ZNF827: variants seen among roughly 807,000 people sequenced by gnomAD.
ZNF827 encodes the protein zinc finger protein 827.
A neutral mutation model predicts 102.4 loss-of-function variants in ZNF827; 13 were observed. That is an observed-to-expected ratio of 0.13 (90% CI 0.08 to 0.20). The LOEUF (loss-of-function observed/expected upper bound fraction) is 0.20, where lower values mean the gene tolerates loss of function less well. Among genes scored for constraint, ZNF827 ranks in the 10% least tolerant of loss-of-function variants. The pLI is 1.00. For missense variants in ZNF827, 1,103 were observed against 1,344.4 expected, an observed-to-expected ratio of 0.82 and a Z score of 2.81; for synonymous variants, 523 against 536.2, an observed-to-expected ratio of 0.98 and a Z score of 0.34.
chr4:145,768,317 A>G (rs909169771), intron 11 of ZNF827, among the ~76,000 whole-genome samples: 3 of 152,106 alleles, frequency 2.0e-5, no homozygotes, highest in Non-Finnish European at 2.9e-5. Flanking sequence ...GGTGTGTGCC[A>G]TCATGCCTGG....
chr4:145,779,434 C>A lies in ZNF827; in HGVS notation c.2461G>T (p.Val821Leu). 1.2e-6 allele frequency: 2 copies of A among 1,614,162 alleles called. No homozygotes were observed. The highest frequency in any genetic ancestry group is 1.3e-5 in the African/African-American group (1 of 75,054). ...KFNDQLFPCD[V>L]CGKVFGRQQT... Reference sequence around the variant, plus strand: ...TGTCGGCCAAACACTTTCCCACACACGTCACAGGGAAAAAGCTGGTCATTG... The same window carrying A: ...TGTCGGCCAAACACTTTCCCACACAAGTCACAGGGAAAAAGCTGGTCATTG... Residue 821 changes from valine (V) to leucine (L), a missense_variant, in exon 9 of 15, where the codon GTG (valine) becomes TTG (leucine). This residue lies in a region of ZNF827 where 242 missense variants were observed against 361.9 expected (regional missense o/e 0.67). Transcript: ENST00000508784.
At chr4:145,896,576 A>G (rs1427820608) in intron 2 of ZNF827, among the ~76,000 whole-genome samples, 1 of 152,190 alleles carries the variant, frequency 6.6e-6, no homozygotes, top group Non-Finnish European at 1.5e-5. Flanking sequence ...GGTTGGGTTA[A>G]GGGAATAGAG....
chr4:145,813,074 A>G (rs1224194458), intron 8 of ZNF827, among the ~76,000 whole-genome samples: 1 of 152,172 alleles, frequency 6.6e-6, no homozygotes, highest in Admixed American at 6.5e-5. Flanking sequence ...GCATTCCATT[A>G]AACGCCCATT....
At chr4:145,812,477 C>T (rs1298769801) in intron 8 of ZNF827, among the ~76,000 whole-genome samples, 1 of 151,598 alleles carries the variant, frequency 6.6e-6, no homozygotes, top group Non-Finnish European at 1.5e-5. Context: ...AGTCTTTCTA[C>T]TGTCAAGGTA....
In ZNF827 at chr4:145,902,845, G is replaced by T; in HGVS notation, c.414C>A (p.Ala138=). 1 of 1,614,100 alleles carries T rather than the reference G, an allele frequency of 6.2e-7. No individual in the cohort carries two copies. Among genetic ancestry groups the T allele is most frequent in the African/African-American group, 1.3e-5 (1 of 75,012 alleles). ...EAGSLKLDAA[A]TANGRVESPV... ...GGGACTCCACTCTGCCATTAGCCGT[G>T]GCTGCAGCATCGAGTTTGAGGGAAC... Residue 138 remains alanine, a synonymous_variant, in exon 2 of 15, where the codon GCC becomes GCA. Transcript: ENST00000508784. The surrounding 1 kb of genome is among the most constrained non-coding windows in gnomAD (Gnocchi z 4.3).
intron 7 of ZNF827, among the ~76,000 whole-genome samples, chr4:145,835,562 A>T (rs576255368): frequency 1.6e-4 from 22 of 139,354 alleles, no homozygotes; most frequent in Admixed American, 3.4e-4. Context: ...GGACTACAGC[A>T]ATATCTCATT....
chr4:145,760,607 G>A lies in ZNF827; in HGVS notation c.*1009C>T. 1.1e-5 allele frequency: 3 copies of A among 270,576 alleles called. No homozygotes were observed. In the South Asian group the frequency reaches 2.7e-4, roughly 24 times the overall value. The allele number at this position is 270,576 out of a possible 1,614,324, so 16.8% of individuals were successfully genotyped here. A position where few individuals can be genotyped will look rare whatever the true frequency, so the allele number is the denominator to read the frequency against. On this transcript the variant is annotated 3_prime_UTR_variant, in exon 15 of 15. Coordinates refer to ENST00000508784, the MANE Select transcript of ZNF827 (RefSeq NM_001306215.2). ...GGTCAATGCAATAGGTATACACACA[G>A]AGCCAATTTTCTATTCCTTACTAAA...
At chr4:145,925,500 A>T (rs932362952) in intron 1 of ZNF827, among the ~76,000 whole-genome samples, 2 of 152,306 alleles carry the variant, frequency 1.3e-5, no homozygotes, top group Non-Finnish European at 2.9e-5. Flanking sequence ...ATTTCGTGTC[A>T]ACATTTGAAA....
intron 1 of ZNF827, among the ~76,000 whole-genome samples, chr4:145,911,011 A>G (rs1469780080): frequency 6.6e-6 from 1 of 152,252 alleles, no homozygotes; most frequent in Non-Finnish European, 1.5e-5. Flanking sequence ...TGTCCAATGC[A>G]TAAATGAAAT....
chr4:145,930,461 A>G (rs538441301), intron 1 of ZNF827, among the ~76,000 whole-genome samples: 1 of 152,160 alleles, frequency 6.6e-6, no homozygotes, highest in Non-Finnish European at 1.5e-5. Flanking sequence ...AGAAAGAGAT[A>G]GAGAGACAGG....
At chr4:145,879,748 A>T (rs1254023944) in intron 4 of ZNF827, among the ~76,000 whole-genome samples, 1 of 152,234 alleles carries the variant, frequency 6.6e-6, no homozygotes, top group East Asian at 1.9e-4. Context: ...GATGCCTAAA[A>T]CTATTAACAC....
At chr4:145,793,309 A>ATTAAATATATAT (rs1560931005) in intron 8 of ZNF827, among the ~76,000 whole-genome samples, 28 of 458 alleles carry the variant, frequency 0.061, no homozygotes, top group East Asian at 0.27. Context: ...TCTTATATAT[A>ATTAAATATATAT]CTTATATATA....
At chr4:145,825,791 T>C (rs1165539149) in intron 7 of ZNF827, among the ~76,000 whole-genome samples, 1 of 152,138 alleles carries the variant, frequency 6.6e-6, no homozygotes, top group Non-Finnish European at 1.5e-5. Context: ...TCAGAAGAAA[T>C]TGAATTGAAA....
intron 5 of ZNF827, among the ~76,000 whole-genome samples, chr4:145,851,447 T>C (rs911516423): frequency 6.6e-6 from 1 of 152,134 alleles, no homozygotes; most frequent in Non-Finnish European, 1.5e-5. Context: ...AAGCTATGCT[T>C]TCCCTGGAAA....
At chr4:145,923,992 A>G (rs10002948) in intron 1 of ZNF827, among the ~76,000 whole-genome samples, 85,981 of 152,080 alleles carry the variant, frequency 0.57, 27,533 homozygotes, top group African/African-American at 0.87. Context: ...GCTGTTCAAA[A>G]CAGCAAAAAA....
chr4:145,828,781 G>GA (rs1743916825), intron 7 of ZNF827, among the ~76,000 whole-genome samples: 1 of 152,172 alleles, frequency 6.6e-6, no homozygotes, highest in Non-Finnish European at 1.5e-5. Context: ...CCAGGCATGG[G>GA]ATGTGGGGTC....
At chr4:145,929,383 A>G (rs1447163301) in intron 1 of ZNF827, among the ~76,000 whole-genome samples, 2 of 152,202 alleles carry the variant, frequency 1.3e-5, no homozygotes, top group African/African-American at 4.8e-5. Flanking sequence ...CCTATTCTCT[A>G]ATTTGAGTCT....
At chr4:145,838,736 G>GA (rs923443016) in intron 7 of ZNF827, among the ~76,000 whole-genome samples, 7 of 151,910 alleles carry the variant, frequency 4.6e-5, no homozygotes, top group Non-Finnish European at 7.4e-5. Flanking sequence ...AGTTATAAAT[G>GA]AAAAAAAATC....
chr4:145,852,309 T>C (rs1471257340), intron 5 of ZNF827, among the ~76,000 whole-genome samples: 1 of 152,244 alleles, frequency 6.6e-6, no homozygotes, highest in East Asian at 1.9e-4. Flanking sequence ...CTAAATTTAA[T>C]GAAATTAGTT....
Sources: gnomAD v4.1 joint callset for allele counts (sites outside exome capture counted in the v4.1 genomes callset) on GRCh38, gnomAD v4.1.1 for gene constraint, gnomAD v4.1.1 regional missense constraint, Gnocchi (gnomAD v3.1) non-coding constraint, MANE v1.5 for transcripts, NCBI Gene and HGNC (gene_info 2026-07-23, HGNC 2026-07-21) for gene names.